SHTN1: variants seen among roughly 807,000 people sequenced by gnomAD.
SHTN1 encodes shootin-1.
SHTN1 carries 42 observed loss-of-function variants against 83.1 expected under a neutral mutation model. The observed-to-expected ratio is 0.51, with a 90% CI of 0.39 to 0.65. The LOEUF is 0.65. Among genes scored for constraint, SHTN1 ranks in the 30% least tolerant of loss-of-function variants. SHTN1 has a pLI of 0.00. For synonymous variants in SHTN1, 224 were observed against 247.7 expected (o/e 0.90, Z 0.90); for missense variants, 622 against 737.8 (o/e 0.84, Z 1.82).
intron 1 of SHTN1, among the ~76,000 whole-genome samples, chr10:117,064,785 G>A (rs575701832): frequency 9.9e-5 from 15 of 152,208 alleles, no homozygotes; most frequent in Admixed American, 2.0e-4. Context: ...GAAAGCCAGC[G>A]ATCTAAATTG....
At chr10:116,963,368 G>A (rs957118506) in intron 3 of SHTN1, among the ~76,000 whole-genome samples, 8 of 151,510 alleles carry the variant, frequency 5.3e-5, no homozygotes, top group South Asian at 4.4e-4. Flanking sequence ...CACCGCGCCC[G>A]GCCATAATAA....
At chr10:116,998,464 GTATA>G (rs1851710080) in intron 1 of SHTN1, among the ~76,000 whole-genome samples, 1 of 152,124 alleles carries the variant, frequency 6.6e-6, no homozygotes, top group Non-Finnish European at 1.5e-5. Flanking sequence ...TCTTATTACA[GTATA>G]TTGTTATAAT....
chr10:116,906,447 ATATC>A (rs1398794289), intron 15 of SHTN1, among the ~76,000 whole-genome samples, 176 bp downstream of exon 15: 2 of 152,244 alleles, frequency 1.3e-5, no homozygotes, highest in Non-Finnish European at 2.9e-5. Context: ...ATAAATAAAA[ATATC>A]TAAGAGTTCT....
intron 1 of SHTN1, among the ~76,000 whole-genome samples, chr10:116,994,134 T>C: frequency 6.6e-6 from 1 of 152,142 alleles, no homozygotes; most frequent in Admixed American, 6.5e-5. Context: ...CAATTCTGTA[T>C]GCAAAGTTTA....
At chr10:117,001,915 T>C (rs779596865) in intron 1 of SHTN1, among the ~76,000 whole-genome samples, 1 of 152,182 alleles carries the variant, frequency 6.6e-6, no homozygotes, top group East Asian at 1.9e-4. Context: ...ACCCATATGA[T>C]GAAACCTAAA....
chr10:117,002,184 T>A (rs1445073728), intron 1 of SHTN1, among the ~76,000 whole-genome samples: 2 of 152,208 alleles, frequency 1.3e-5, no homozygotes, highest in Non-Finnish European at 2.9e-5. Context: ...TGCCCTCTAA[T>A]CCAACAATTC....
At chr10:116,993,284 G>A (rs1228979665) in intron 1 of SHTN1, among the ~76,000 whole-genome samples, 1 of 151,798 alleles carries the variant, frequency 6.6e-6, no homozygotes, top group Non-Finnish European at 1.5e-5. Context: ...CAAAGTGTTG[G>A]GATTACAGGG....
rs529898317 is a variant in SHTN1 at position 117,098,544 on chromosome 10, C to A, written c.-189+27763G>T. Among the ~76,000 whole-genome samples, 112 of 152,106 alleles carry A rather than the reference C, an allele frequency of 7.4e-4. 2 individuals carry two copies. The South Asian group carries it at 0.022, about 30-fold the overall frequency. On this transcript the variant is annotated intron_variant, in intron 1 of 17. Coordinates refer to the SHTN1 transcript ENST00000392901. ...GTGACGGCAGCCCTGATTTGCTCAT[C>A]AACATTTTTCCTACAAGCCACTTAA...
At chr10:117,098,901 G>A (rs1335089614) in intron 1 of SHTN1, among the ~76,000 whole-genome samples, 1 of 151,760 alleles carries the variant, frequency 6.6e-6, no homozygotes, top group Non-Finnish European at 1.5e-5. Context: ...TTTTTATCTC[G>A]ATCCTTAAAA....
intron 1 of SHTN1, among the ~76,000 whole-genome samples, chr10:117,093,738 A>C (rs979456337): frequency 6.6e-6 from 1 of 152,180 alleles, no homozygotes; most frequent in African/African-American, 2.4e-5. Context: ...TTGGAACCAC[A>C]CACAATGGGC....
intron 11 of SHTN1, among the ~76,000 whole-genome samples, chr10:116,925,003 G>A (rs1454771303): frequency 2.6e-5 from 4 of 152,058 alleles, no homozygotes; most frequent in Admixed American, 1.3e-4. Flanking sequence ...TGATCCGCCC[G>A]CCTCGGCCTC....
intron 9 of SHTN1, among the ~76,000 whole-genome samples, chr10:116,932,623 T>C (rs1202687066): frequency 6.6e-6 from 1 of 152,194 alleles, no homozygotes; most frequent in Non-Finnish European, 1.5e-5. Context: ...ATGTTTAAGG[T>C]AGGCTAGGCT....
At chr10:116,965,628 A>G (rs746686581) in intron 3 of SHTN1, among the ~76,000 whole-genome samples, 1 of 152,230 alleles carries the variant, frequency 6.6e-6, no homozygotes, top group African/African-American at 2.4e-5. Context: ...GTGTCAAAGA[A>G]CTAACTCCCT....
intron 1 of SHTN1, among the ~76,000 whole-genome samples, chr10:117,100,700 A>G (rs1853577925): frequency 6.6e-6 from 1 of 152,194 alleles, no homozygotes; most frequent in African/African-American, 2.4e-5. Flanking sequence ...CAATTTGGCT[A>G]CCATTCATTT....
In SHTN1 at chr10:116,882,033, C is replaced by A; in HGVS notation, c.*4311G>T. 1 of 167,112 alleles carries A rather than the reference C, an allele frequency of 6.0e-6. No homozygotes were observed. Among genetic ancestry groups the A allele is most frequent in the Non-Finnish European group, 1.3e-5 (1 of 78,130 alleles). The allele number at this position is 167,112 out of a possible 1,614,324, so 10.4% of individuals were successfully genotyped here. A position where few individuals can be genotyped will look rare whatever the true frequency, so the allele number is the denominator to read the frequency against. On this transcript the variant is annotated 3_prime_UTR_variant, in exon 17 of 17. Coordinates refer to ENST00000355371, the MANE Select transcript of SHTN1 (RefSeq NM_001127211.3). Reference sequence around the variant, plus strand: ...TCTCTGAGAACAAAAACCTAATGACCCTAGAAGCTCTCTGTGCTGGGAACA... The same window carrying A: ...TCTCTGAGAACAAAAACCTAATGACACTAGAAGCTCTCTGTGCTGGGAACA...
At chr10:116,917,596 A>G (rs1848423192) in intron 12 of SHTN1, among the ~76,000 whole-genome samples, 1 of 152,230 alleles carries the variant, frequency 6.6e-6, no homozygotes, top group African/African-American at 2.4e-5. Flanking sequence ...CACCGCCTAC[A>G]AACAGATTAG....
At chr10:116,918,538 A>T (rs1848449192) in intron 12 of SHTN1, among the ~76,000 whole-genome samples, 1 of 152,230 alleles carries the variant, frequency 6.6e-6, no homozygotes, top group Non-Finnish European at 1.5e-5. Context: ...AATTAAGTTC[A>T]AATCTGACAT....
intron 1 of SHTN1, among the ~76,000 whole-genome samples, chr10:117,112,142 T>A (rs1056129209): frequency 9.2e-5 from 14 of 152,080 alleles, no homozygotes; most frequent in Non-Finnish European, 8.8e-5. Flanking sequence ...ATTTTAGTAT[T>A]TTTGGTAGAG....
At chr10:117,106,729 C>T (rs1853676450) in intron 1 of SHTN1, among the ~76,000 whole-genome samples, 3 of 152,138 alleles carry the variant, frequency 2.0e-5, no homozygotes, top group African/African-American at 7.2e-5. Flanking sequence ...TATTTCTTTC[C>T]TTCTAATTCT....
Sources: gnomAD v4.1 joint callset for allele counts (sites outside exome capture counted in the v4.1 genomes callset) on GRCh38, gnomAD v4.1.1 for gene constraint, MANE v1.5 for transcripts, NCBI Gene and HGNC (gene_info 2026-07-23, HGNC 2026-07-21) for gene names.